Variants in SEMA6D observed in about 807,000 individuals in gnomAD.
The protein encoded by SEMA6D is semaphorin 6D, also known as semaphorin-6D.
In SEMA6D, 35 loss-of-function variants were observed where a neutral mutation model predicts 106.6. The observed-to-expected ratio is 0.33, with a 90% CI of 0.25 to 0.44. SEMA6D has a LOEUF of 0.44. Among genes scored for constraint, SEMA6D ranks in the 20% least tolerant of loss-of-function variants. The probability of loss-of-function intolerance (pLI) is 1.00; values close to 1 mark genes in which losing one functional copy is unlikely to be tolerated. For synonymous variants in SEMA6D, 499 were observed against 487.7 expected (o/e 1.02, Z -0.31); for missense variants, 1,185 against 1,345.9 (o/e 0.88, Z 1.87).
intron 4 of SEMA6D, among the ~76,000 whole-genome samples, chr15:47,655,850 A>G (rs2077782606): frequency 6.6e-6 from 1 of 152,214 alleles, no homozygotes. Flanking sequence ...TTCAAAATCA[A>G]TGTTTGTAGC....
intron 1 of SEMA6D, among the ~76,000 whole-genome samples, chr15:47,307,697 G>A (rs1326266203): frequency 6.6e-6 from 1 of 152,088 alleles, no homozygotes. Flanking sequence ...TGGTTAAAGG[G>A]GGATACAATG....
At chr15:47,207,989 G>GCA (rs1350637399) in intron 1 of SEMA6D, among the ~76,000 whole-genome samples, 26 of 62,320 alleles carry the variant, frequency 4.2e-4, no homozygotes, top group South Asian at 2.6e-3. Flanking sequence ...CCACTGGCGC[G>GCA]CGCGCACACA....
chr15:47,433,772 C>T (rs1246255287), intron 2 of SEMA6D, among the ~76,000 whole-genome samples: 1 of 152,094 alleles, frequency 6.6e-6, no homozygotes, highest in Non-Finnish European at 1.5e-5. Flanking sequence ...TCCTGGATAA[C>T]TCTTAGTCTC....
intron 3 of SEMA6D, among the ~76,000 whole-genome samples, chr15:47,473,128 C>T (rs2042901615): frequency 6.6e-6 from 1 of 152,146 alleles, no homozygotes; most frequent in African/African-American, 2.4e-5. Flanking sequence ...TTTGGACAGC[C>T]GTGAGACTGG....
At chr15:47,599,424 C>A (rs899912026) in intron 3 of SEMA6D, among the ~76,000 whole-genome samples, 1 of 144,820 alleles carries the variant, frequency 6.9e-6, no homozygotes, top group Non-Finnish European at 1.5e-5. Context: ...GGTTGGAGAT[C>A]TAATGGGGAA....
intron 8 of SEMA6D, 68 bp downstream of exon 8, chr15:47,762,387 C>T (rs949688752): frequency 2.9e-5 from 45 of 1,569,162 alleles, no homozygotes; most frequent in African/African-American, 2.0e-4. Flanking sequence ...ACAGCAGCCA[C>T]GGCCATCAAG....
intron 3 of SEMA6D, among the ~76,000 whole-genome samples, chr15:47,505,005 G>A (rs2043992549): frequency 6.6e-6 from 1 of 152,054 alleles, no homozygotes; most frequent in African/African-American, 2.4e-5. Context: ...GGAGAGACTC[G>A]GGCCACCCAA....
intron 2 of SEMA6D, among the ~76,000 whole-genome samples, chr15:47,416,566 A>G (rs1847812577): frequency 1.3e-5 from 2 of 152,164 alleles, no homozygotes; most frequent in South Asian, 4.1e-4. Flanking sequence ...TGTACTCACA[A>G]TCTGGCGGGT....
chr15:47,533,719 G>C (rs1348593376), intron 3 of SEMA6D, among the ~76,000 whole-genome samples: 1 of 152,166 alleles, frequency 6.6e-6, no homozygotes, highest in South Asian at 2.1e-4. Context: ...TGAGAGGACA[G>C]GGGGCCATTG....
At chr15:47,526,796 G>A (rs1596243797) in intron 3 of SEMA6D, among the ~76,000 whole-genome samples, 2 of 152,074 alleles carry the variant, frequency 1.3e-5, no homozygotes, top group East Asian at 3.9e-4. Flanking sequence ...GAGTGTAGTG[G>A]CGTGATCTCC....
chr15:47,761,255 T>C (rs147097507), intron 5 of SEMA6D, 35 bp downstream of exon 5: 14 of 1,612,790 alleles, frequency 8.7e-6, no homozygotes, highest in Non-Finnish European at 1.2e-5. Flanking sequence ...CTAGATTTAG[T>C]CTTTCTGTGG....
At chr15:47,677,404 C>T (rs922436351) in intron 4 of SEMA6D, among the ~76,000 whole-genome samples, 4 of 152,100 alleles carry the variant, frequency 2.6e-5, no homozygotes, top group African/African-American at 9.7e-5. Flanking sequence ...CTGCTAAGAT[C>T]CCTCATGACC....
intron 1 of SEMA6D, among the ~76,000 whole-genome samples, chr15:47,311,897 G>T (rs2036461963): frequency 6.6e-6 from 1 of 152,204 alleles, no homozygotes; most frequent in South Asian, 2.1e-4. Flanking sequence ...TAATTATGGA[G>T]CTATCTTCAG....
chr15:47,411,578 T>C (rs1595931874), intron 1 of SEMA6D, among the ~76,000 whole-genome samples: 1 of 152,148 alleles, frequency 6.6e-6, no homozygotes, highest in Admixed American at 6.5e-5. Context: ...CAAAAACTTA[T>C]CTAAGAATGA....
At chr15:47,512,881 T>G (rs2044274267) in intron 3 of SEMA6D, among the ~76,000 whole-genome samples, 1 of 152,156 alleles carries the variant, frequency 6.6e-6, no homozygotes, top group African/African-American at 2.4e-5. Flanking sequence ...TCCTAGATCC[T>G]GGGGCAGGGA....
At chr15:47,312,543 C>T (rs2036490954) in intron 1 of SEMA6D, among the ~76,000 whole-genome samples, 1 of 152,124 alleles carries the variant, frequency 6.6e-6, no homozygotes, top group Non-Finnish European at 1.5e-5. Flanking sequence ...TGTGCCTGGA[C>T]TGTGCTTGCT....
chr15:47,293,616 T>C (rs1211944858), intron 1 of SEMA6D, among the ~76,000 whole-genome samples: 2 of 152,202 alleles, frequency 1.3e-5, no homozygotes, highest in Non-Finnish European at 2.9e-5. Context: ...AAGGGCGATG[T>C]GTATATTTAT....
intron 3 of SEMA6D, among the ~76,000 whole-genome samples, chr15:47,560,663 C>G (rs991208298): frequency 1.3e-5 from 2 of 151,884 alleles, no homozygotes; most frequent in Admixed American, 1.3e-4. Context: ...ATTCTGTTCT[C>G]CAAAAAGACA....
chr15:47,630,177 A>G (rs1022137168), intron 4 of SEMA6D, among the ~76,000 whole-genome samples: 2 of 151,914 alleles, frequency 1.3e-5, no homozygotes, highest in Non-Finnish European at 2.9e-5. Context: ...ACAGTGGCAT[A>G]TAAGATTTCC....
Sources: gnomAD v4.1 joint callset for allele counts (sites outside exome capture counted in the v4.1 genomes callset) on GRCh38, gnomAD v4.1.1 for gene constraint, MANE v1.5 for transcripts, NCBI Gene and HGNC (gene_info 2026-07-23, HGNC 2026-07-21) for gene names.